PRR16: variants seen among roughly 807,000 people sequenced by gnomAD.
PRR16 encodes the protein protein Largen.
PRR16 carries 6 observed loss-of-function variants against 18.2 expected under a neutral mutation model. The observed-to-expected ratio is 0.33, with a 90% CI of 0.18 to 0.65. The LOEUF is 0.65. Ranked by LOEUF, PRR16 falls within the 30% of genes least tolerant of loss-of-function variation. The pLI is 0.74. For synonymous variants in PRR16, 151 were observed against 147.8 expected (o/e 1.02, Z -0.16); for missense variants, 412 against 376.6 (o/e 1.09, Z -0.78).
intron 1 of PRR16, among the ~76,000 whole-genome samples, chr5:120,480,301 A>G (rs563454860): frequency 6.6e-6 from 1 of 152,302 alleles, no homozygotes; most frequent in African/African-American, 2.4e-5. Flanking sequence ...TCCTGAAGTT[A>G]CTAATACTCA....
At chr5:120,489,275 G>C (rs901219709) in intron 1 of PRR16, among the ~76,000 whole-genome samples, 10 of 152,120 alleles carry the variant, frequency 6.6e-5, no homozygotes, top group Non-Finnish European at 4.4e-5. Context: ...CATTATTATT[G>C]TGTGGGAGTC....
rs535606083 is a variant in PRR16 at position 120,563,593 on chromosome 5, G to T, written c.159+98948G>T. On this transcript the variant is annotated intron_variant, in intron 1 of 1. Coordinates refer to ENST00000407149, the MANE Select transcript of PRR16 (RefSeq NM_001300783.2). Reference sequence around the variant, plus strand: ...TTAAAGCCTAAGGGATCTTCATTCAGCTTGTGGTGAATGCTGCCATGTTTA... The same window carrying T: ...TTAAAGCCTAAGGGATCTTCATTCATCTTGTGGTGAATGCTGCCATGTTTA... Among the ~76,000 whole-genome samples the T allele has an allele frequency of 2.0e-5, 3 of 152,256 alleles. No homozygotes were observed. The East Asian group carries it at 5.8e-4, about 29-fold the overall frequency.
intron 1 of PRR16, among the ~76,000 whole-genome samples, chr5:120,606,218 C>T (rs1047380513): frequency 2.0e-5 from 3 of 152,110 alleles, no homozygotes; most frequent in African/African-American, 7.2e-5. Flanking sequence ...AGCATCCTTT[C>T]TACATATCTC....
chr5:120,582,658 G>A (rs1247830024), intron 1 of PRR16, among the ~76,000 whole-genome samples: 1 of 152,038 alleles, frequency 6.6e-6, no homozygotes, highest in South Asian at 2.1e-4. Flanking sequence ...CAGGAATTTG[G>A]TATAGTATTT....
the PRR16 span, among the ~76,000 whole-genome samples, chr5:120,741,749 C>T: frequency 1.3e-5 from 2 of 152,016 alleles, no homozygotes; most frequent in Non-Finnish European, 2.9e-5. Context: ...TACAGGCACG[C>T]ACCACCAAGC....
chr5:120,637,438 A>G (rs900108642), intron 1 of PRR16, among the ~76,000 whole-genome samples: 2 of 151,934 alleles, frequency 1.3e-5, no homozygotes, highest in African/African-American at 4.8e-5. Context: ...TAAAGAAAAT[A>G]TGGTATGTAT....
chr5:120,522,358 G>A (rs578056760), intron 1 of PRR16, among the ~76,000 whole-genome samples: 113 of 152,214 alleles, frequency 7.4e-4, no homozygotes, highest in African/African-American at 2.6e-3. Context: ...TTTAATGATA[G>A]CCATTCTAAC....
At chr5:120,545,634 A>G (rs979755809) in intron 1 of PRR16, among the ~76,000 whole-genome samples, 2 of 152,052 alleles carry the variant, frequency 1.3e-5, no homozygotes, top group Non-Finnish European at 2.9e-5. Context: ...TTATAATTTT[A>G]TAGATATCTG....
At chr5:120,606,142 C>G (rs1198744674) in intron 1 of PRR16, among the ~76,000 whole-genome samples, 1 of 152,158 alleles carries the variant, frequency 6.6e-6, no homozygotes, top group Non-Finnish European at 1.5e-5. Flanking sequence ...AAGGGTAGAA[C>G]TTCAAAGAAA....
the PRR16 span, among the ~76,000 whole-genome samples, chr5:120,716,772 T>G: frequency 1.3e-5 from 2 of 152,238 alleles, no homozygotes; most frequent in Admixed American, 1.3e-4. Context: ...CTCAGGAGGC[T>G]AAAGCAGGAG....
the PRR16 span, among the ~76,000 whole-genome samples, chr5:120,771,145 G>A: frequency 1.3e-5 from 2 of 151,916 alleles, no homozygotes; most frequent in Middle Eastern, 6.8e-3. Context: ...ATAAACCAAT[G>A]GACAGAAATC....
At chr5:120,705,847 G>A in the PRR16 span, among the ~76,000 whole-genome samples, 653 of 152,190 alleles carry the variant, frequency 4.3e-3, 5 homozygotes, top group African/African-American at 0.015. Context: ...ACAAGATGAT[G>A]TGGATAGAAA....
chr5:120,475,093 G>A (rs1749397722), intron 1 of PRR16, among the ~76,000 whole-genome samples: 1 of 152,176 alleles, frequency 6.6e-6, no homozygotes, highest in South Asian at 2.1e-4. Context: ...ATGTGCCAGG[G>A]ACTATTGTGA....
chr5:120,748,706 A>G, the PRR16 span, among the ~76,000 whole-genome samples: 1 of 152,108 alleles, frequency 6.6e-6, no homozygotes, highest in Non-Finnish European at 1.5e-5. Flanking sequence ...AATAGGTAAC[A>G]TGTCAGGCAG....
At chr5:120,708,035 G>A in the PRR16 span, among the ~76,000 whole-genome samples, 13 of 152,296 alleles carry the variant, frequency 8.5e-5, no homozygotes, top group East Asian at 1.9e-3. Flanking sequence ...TACAGGATCA[G>A]TGTACATGAA....
At chr5:120,794,102 A>T in the PRR16 span, among the ~76,000 whole-genome samples, 2 of 152,134 alleles carry the variant, frequency 1.3e-5, no homozygotes, top group African/African-American at 4.8e-5. Context: ...TCCTCCCACC[A>T]CCAAGTCCAC....
chr5:120,607,624 A>G (rs1239103570), intron 1 of PRR16, among the ~76,000 whole-genome samples: 1 of 152,104 alleles, frequency 6.6e-6, no homozygotes, highest in Non-Finnish European at 1.5e-5. Flanking sequence ...CTTTTCTACC[A>G]TCTGCTTCAC....
the PRR16 span, among the ~76,000 whole-genome samples, chr5:120,768,450 TA>T: frequency 2.6e-5 from 4 of 151,614 alleles, no homozygotes; most frequent in East Asian, 3.9e-4. Flanking sequence ...AGTTATTTGG[TA>T]AAAAAATATA....
chr5:120,524,085 G>T (rs1018801337), intron 1 of PRR16, among the ~76,000 whole-genome samples: 1 of 152,014 alleles, frequency 6.6e-6, no homozygotes, highest in Non-Finnish European at 1.5e-5. Flanking sequence ...TATTTTCAAC[G>T]TACAGATGAG....
Sources: gnomAD v4.1 joint callset for allele counts (sites outside exome capture counted in the v4.1 genomes callset) on GRCh38, gnomAD v4.1.1 for gene constraint, MANE v1.5 for transcripts, NCBI Gene and HGNC (gene_info 2026-07-23, HGNC 2026-07-21) for gene names.